Variants in B3GALT1 observed in about 807,000 individuals in gnomAD.
The protein encoded by B3GALT1 is beta-1,3-galactosyltransferase 1, also known as UDP-Gal:betaGlcNAc beta 1,3-galactosyltransferase, polypeptide 1.
In B3GALT1, 10 loss-of-function variants were observed where a neutral mutation model predicts 23.2. That is an observed-to-expected ratio of 0.43 (90% CI 0.27 to 0.73). The LOEUF (loss-of-function observed/expected upper bound fraction) is 0.73. Among genes scored for constraint, B3GALT1 ranks in the 30% least tolerant of loss-of-function variants. The pLI is 0.21. For missense variants in B3GALT1, 299 were observed against 405.4 expected (o/e 0.74, Z 2.25); for synonymous variants, 156 against 141.5 (o/e 1.10, Z -0.73).
chr2:167,738,810 C>T (rs1366911354), intron 3 of B3GALT1, among the ~76,000 whole-genome samples: 3 of 151,712 alleles, frequency 2.0e-5, no homozygotes, highest in African/African-American at 7.3e-5. Context: ...TTTGTGGGAC[C>T]AACTCTTACT....
chr2:167,297,711 C>G (rs964452503), intron 1 of B3GALT1, among the ~76,000 whole-genome samples: 1 of 152,092 alleles, frequency 6.6e-6, no homozygotes, highest in East Asian at 1.9e-4. Context: ...AGAATTATTA[C>G]TTATCCTCAT....
intron 3 of B3GALT1, among the ~76,000 whole-genome samples, chr2:167,686,428 T>C (rs1686617169): frequency 1.3e-5 from 2 of 152,234 alleles, no homozygotes. Context: ...TTTATCTGAT[T>C]AGCCATTAGA....
intron 3 of B3GALT1, among the ~76,000 whole-genome samples, chr2:167,739,214 C>T (rs1278980895): frequency 6.6e-6 from 1 of 152,158 alleles, no homozygotes; most frequent in Non-Finnish European, 1.5e-5. Context: ...TTGTTTCTAA[C>T]TTTTTTCCAA....
At chr2:167,448,140 A>G (rs1412211086) in intron 1 of B3GALT1, among the ~76,000 whole-genome samples, 1 of 152,200 alleles carries the variant, frequency 6.6e-6, no homozygotes, top group South Asian at 2.1e-4. Flanking sequence ...TAGATAACTC[A>G]TAGTGGGACT....
At chr2:167,538,876 T>TA (rs1244464210) in intron 2 of B3GALT1, among the ~76,000 whole-genome samples, 3 of 152,094 alleles carry the variant, frequency 2.0e-5, no homozygotes, top group Non-Finnish European at 4.4e-5. Flanking sequence ...TGCTGATAGG[T>TA]AATACAGTGT....
intron 2 of B3GALT1, among the ~76,000 whole-genome samples, chr2:167,547,948 C>T (rs1529306): frequency 0.36 from 53,971 of 151,970 alleles, 10,352 homozygotes; most frequent in East Asian, 0.76. Flanking sequence ...GAGAACTCTC[C>T]CTTCATGACT....
intron 1 of B3GALT1, among the ~76,000 whole-genome samples, chr2:167,439,677 T>C (rs950817516): frequency 7.2e-5 from 11 of 152,170 alleles, no homozygotes; most frequent in Admixed American, 1.3e-4. Context: ...AAATTATCAT[T>C]AAGTTTTCAA....
At chr2:167,535,683 C>T (rs1683403909) in intron 2 of B3GALT1, among the ~76,000 whole-genome samples, 1 of 151,600 alleles carries the variant, frequency 6.6e-6, no homozygotes, top group African/African-American at 2.4e-5. Flanking sequence ...AAATGGCTGG[C>T]ATTAATTACA....
intron 1 of B3GALT1, among the ~76,000 whole-genome samples, chr2:167,348,589 C>T (rs1039839746): frequency 6.6e-6 from 1 of 152,138 alleles, no homozygotes; most frequent in African/African-American, 2.4e-5. Flanking sequence ...CTAGTTTCAT[C>T]CTCTGCTCTA....
chr2:167,795,117 A>G (rs34155024), intron 3 of B3GALT1, among the ~76,000 whole-genome samples: 6,303 of 152,264 alleles, frequency 0.041, 155 homozygotes, highest in South Asian at 0.095. Flanking sequence ...CACTTTGGAC[A>G]GGTGTCTACT....
At chr2:167,728,563 C>T (rs150907807) in intron 3 of B3GALT1, among the ~76,000 whole-genome samples, 1 of 152,324 alleles carries the variant, frequency 6.6e-6, no homozygotes, top group Non-Finnish European at 1.5e-5. Context: ...TTTGCTCATG[C>T]AGGCAACCTT....
At chr2:167,564,663 C>A (rs1684117397) in intron 2 of B3GALT1, among the ~76,000 whole-genome samples, 1 of 152,192 alleles carries the variant, frequency 6.6e-6, no homozygotes, top group Non-Finnish European at 1.5e-5. Flanking sequence ...GAGCTGGAGA[C>A]CAGCCCGGCC....
At chr2:167,539,173 A>G (rs895753891) in intron 2 of B3GALT1, among the ~76,000 whole-genome samples, 2 of 152,154 alleles carry the variant, frequency 1.3e-5, no homozygotes, top group Non-Finnish European at 2.9e-5. Context: ...GAATTATGTT[A>G]TGCTCTACTT....
intron 4 of B3GALT1, among the ~76,000 whole-genome samples, chr2:167,851,173 A>G (rs1689876892): frequency 6.8e-6 from 1 of 146,870 alleles, no homozygotes; most frequent in Non-Finnish European, 1.5e-5. Context: ...AGCTTTCTCA[A>G]AGGCAATAAA....
chr2:167,627,379 A>C (rs1014445029), intron 2 of B3GALT1, among the ~76,000 whole-genome samples: 1 of 151,602 alleles, frequency 6.6e-6, no homozygotes, highest in Non-Finnish European at 1.5e-5. Context: ...TTCTGTCTCT[A>C]TCAGTTTGCC....
chr2:167,409,606 C>G (rs557617522), intron 1 of B3GALT1, among the ~76,000 whole-genome samples: 131 of 152,040 alleles, frequency 8.6e-4, no homozygotes, highest in African/African-American at 3.1e-3. Flanking sequence ...TCCATCAGGT[C>G]AGTTAGGTTC....
chr2:167,853,788 A>G (rs1028266075), intron 4 of B3GALT1, among the ~76,000 whole-genome samples: 2 of 152,124 alleles, frequency 1.3e-5, no homozygotes, highest in African/African-American at 4.8e-5. Context: ...GCAATTTTTG[A>G]GAGTACATTT....
At chr2:167,619,317 A>G (rs1171122136) in intron 2 of B3GALT1, among the ~76,000 whole-genome samples, 1 of 151,840 alleles carries the variant, frequency 6.6e-6, no homozygotes. Context: ...ACATATCACA[A>G]TTTGCAGTTA....
chr2:167,446,298 T>G (rs1698990669), intron 1 of B3GALT1, among the ~76,000 whole-genome samples: 1 of 152,220 alleles, frequency 6.6e-6, no homozygotes, highest in Non-Finnish European at 1.5e-5. Flanking sequence ...CCCTTAACAT[T>G]TTTTCCTTCA....
Sources: gnomAD v4.1 joint callset for allele counts (sites outside exome capture counted in the v4.1 genomes callset) on GRCh38, gnomAD v4.1.1 for gene constraint, MANE v1.5 for transcripts, NCBI Gene and HGNC (gene_info 2026-07-23, HGNC 2026-07-21) for gene names.